Variants in EYA4 observed in about 807,000 individuals in gnomAD.
EYA4 encodes the protein protein phosphatase EYA4.
EYA4 carries 31 observed loss-of-function variants against 87.9 expected under a neutral mutation model. That is an observed-to-expected ratio of 0.35 (90% CI 0.27 to 0.48). The LOEUF is 0.48. Among genes scored for constraint, EYA4 ranks in the 20% least tolerant of loss-of-function variants. The pLI, the probability that EYA4 is intolerant of heterozygous loss-of-function variation, is 0.99. For missense variants in EYA4, 678 were observed against 761.4 expected (o/e 0.89, Z 1.29); for synonymous variants, 263 against 270.6 (o/e 0.97, Z 0.28).
intron 6 of EYA4, among the ~76,000 whole-genome samples, chr6:133,457,797 A>G (rs945073367): frequency 1.3e-5 from 2 of 152,174 alleles, no homozygotes; most frequent in African/African-American, 2.4e-5. Context: ...TTTCTGCAAA[A>G]TAAATCTATA....
At chr6:133,245,700 G>A (rs1774350848) in intron 1 of EYA4, among the ~76,000 whole-genome samples, 1 of 152,202 alleles carries the variant, frequency 6.6e-6, no homozygotes, top group Non-Finnish European at 1.5e-5. Flanking sequence ...TAATGAAGGG[G>A]ACACTGCATA....
chr6:133,515,532 G>C, intron 17 of EYA4, 97 bp downstream of exon 17: 1 of 792,996 alleles, frequency 1.3e-6, no homozygotes, highest in Non-Finnish European at 2.2e-6. Context: ...GACTGTTTTA[G>C]ACTTTAAGGG....
At chr6:133,371,683 C>T (rs1785279000) in intron 2 of EYA4, among the ~76,000 whole-genome samples, 1 of 152,102 alleles carries the variant, frequency 6.6e-6, no homozygotes. Flanking sequence ...CTTTTTGATC[C>T]TGTAGCAACC....
At chr6:133,308,322 C>A (rs1371242921) in intron 2 of EYA4, among the ~76,000 whole-genome samples, 1 of 152,124 alleles carries the variant, frequency 6.6e-6, no homozygotes, top group Non-Finnish European at 1.5e-5. Context: ...TCACCCAAAT[C>A]ACATATGTAA....
rs1373355931 is a variant in EYA4 at position 133,529,865 on chromosome 6, G to C, written c.*1060G>C. 1 of 985,282 alleles carries C rather than the reference G, an allele frequency of 1.0e-6. No individual in the cohort carries two copies. Among genetic ancestry groups the C allele is most frequent in the Non-Finnish European group, 1.2e-6 (1 of 829,920 alleles). The allele number at this position is 985,282 out of a possible 1,614,324, so 61.0% of individuals were successfully genotyped here. A position where few individuals can be genotyped will look rare whatever the true frequency, so the allele number is the denominator to read the frequency against. On this transcript the variant is annotated 3_prime_UTR_variant, in exon 20 of 20. Coordinates refer to ENST00000355286, the MANE Select transcript of EYA4 (RefSeq NM_004100.5). ...TTCATGACAACTTGCACAGTTTTGAGGTTGAGACTTTTGATATGTGTAAGT... is the reference window on the plus strand; with the variant it reads ...TTCATGACAACTTGCACAGTTTTGACGTTGAGACTTTTGATATGTGTAAGT...
chr6:133,414,738 A>G (rs1414983), intron 3 of EYA4, among the ~76,000 whole-genome samples: 1,639 of 152,288 alleles, frequency 0.011, 36 homozygotes, highest in African/African-American at 0.038. Flanking sequence ...CTGATGTTCA[A>G]TATCTTGAGA....
chr6:133,356,234 A>G (rs1322527975), intron 2 of EYA4, among the ~76,000 whole-genome samples: 2 of 152,132 alleles, frequency 1.3e-5, no homozygotes, highest in Non-Finnish European at 2.9e-5. Flanking sequence ...GGGCTTCAAC[A>G]TGTGAACTTT....
At chr6:133,432,757 A>G (rs3777859) in intron 3 of EYA4, among the ~76,000 whole-genome samples, 9,351 of 151,834 alleles carry the variant, frequency 0.062, 851 homozygotes, top group African/African-American at 0.2. Context: ...CTCTCATCAC[A>G]TTTCACATTC....
chr6:133,258,699 C>G (rs1318745552), intron 1 of EYA4, among the ~76,000 whole-genome samples: 2 of 152,142 alleles, frequency 1.3e-5, no homozygotes, highest in East Asian at 3.9e-4. Context: ...GTATGGCTCT[C>G]CATCTCTTCC....
chr6:133,442,301 G>A (rs79615317), intron 3 of EYA4, among the ~76,000 whole-genome samples: 7,572 of 152,136 alleles, frequency 0.05, 565 homozygotes, highest in African/African-American at 0.15. Context: ...CCAAAAAGTG[G>A]TAGTTCTTTC....
At chr6:133,441,375 A>G (rs1792272845) in intron 3 of EYA4, among the ~76,000 whole-genome samples, 1 of 152,194 alleles carries the variant, frequency 6.6e-6, no homozygotes, top group African/African-American at 2.4e-5. Context: ...AGAGATACAT[A>G]CTGTTATAAA....
At chr6:133,294,413 G>A (rs1370601972) in intron 2 of EYA4, among the ~76,000 whole-genome samples, 2 of 148,986 alleles carry the variant, frequency 1.3e-5, no homozygotes, top group Non-Finnish European at 3.0e-5. Context: ...CATTGCCCAG[G>A]CTGGAGTGCA....
chr6:133,298,226 A>C (rs747845236), intron 2 of EYA4, among the ~76,000 whole-genome samples: 2 of 152,144 alleles, frequency 1.3e-5, no homozygotes, highest in Non-Finnish European at 2.9e-5. Flanking sequence ...GCTTCACTAA[A>C]GTCTTTGAGT....
chr6:133,344,173 A>G (rs1014884201), intron 2 of EYA4, among the ~76,000 whole-genome samples: 1 of 152,244 alleles, frequency 6.6e-6, no homozygotes, highest in Non-Finnish European at 1.5e-5. Flanking sequence ...AGGCACGGTT[A>G]TATGCCAAGT....
At chr6:133,474,842 T>C (rs1795585290) in intron 11 of EYA4, among the ~76,000 whole-genome samples, 1 of 152,128 alleles carries the variant, frequency 6.6e-6, no homozygotes. Context: ...GGACTTAAAG[T>C]AGAAACCTAA....
At chr6:133,475,844 A>G (rs975465921) in intron 11 of EYA4, among the ~76,000 whole-genome samples, 1 of 152,144 alleles carries the variant, frequency 6.6e-6, no homozygotes, top group Non-Finnish European at 1.5e-5. Context: ...AGCACCTGCA[A>G]AAGGAATAGA....
intron 13 of EYA4, among the ~76,000 whole-genome samples, chr6:133,488,199 T>G (rs1796839832): frequency 6.6e-6 from 1 of 152,144 alleles, no homozygotes; most frequent in Non-Finnish European, 1.5e-5. Context: ...TTTTGTGGCT[T>G]GGGTGCTAGC....
At chr6:133,406,437 A>T (rs556909013) in intron 3 of EYA4, among the ~76,000 whole-genome samples, 2 of 152,338 alleles carry the variant, frequency 1.3e-5, no homozygotes, top group Non-Finnish European at 2.9e-5. Context: ...ACGGGGGCAC[A>T]CCCACTGAGT....
chr6:133,414,137 G>C (rs1215987429), intron 3 of EYA4, among the ~76,000 whole-genome samples: 3 of 152,074 alleles, frequency 2.0e-5, no homozygotes, highest in Non-Finnish European at 4.4e-5. Flanking sequence ...TATGCATCCA[G>C]ACATGTAAGA....
Sources: gnomAD v4.1 joint callset for allele counts (sites outside exome capture counted in the v4.1 genomes callset) on GRCh38, gnomAD v4.1.1 for gene constraint, MANE v1.5 for transcripts, NCBI Gene and HGNC (gene_info 2026-07-23, HGNC 2026-07-21) for gene names.